Variants in PRTFDC1 observed in about 807,000 individuals in gnomAD.
PRTFDC1 encodes the protein phosphoribosyl transferase domain containing 1, also known as phosphoribosyltransferase domain-containing protein 1.
Under a neutral mutation model 34.6 loss-of-function variants are expected in PRTFDC1, and 38 were observed. The observed-to-expected ratio is 1.10, with a 90% confidence interval of 0.85 to 1.44. PRTFDC1 has a LOEUF of 1.44. PRTFDC1 is among the 40% of genes most tolerant of loss of function. The pLI is 0.00. For missense variants in PRTFDC1, 270 were observed against 283.0 expected, an observed-to-expected ratio of 0.95 and a Z score of 0.33; for synonymous variants, 93 against 98.1, an observed-to-expected ratio of 0.95 and a Z score of 0.31.
In PRTFDC1 at chr10:24,949,731, ATTTATTTATTTTTTTTTTTT is replaced by A. The variant is rs1237433853; in HGVS notation, c.48+2777_48+2796del. Among the ~76,000 whole-genome samples the A allele has an allele frequency of 4.4e-5, 5 of 114,380 alleles. No individual in the cohort carries two copies. In the Admixed American group the frequency reaches 4.7e-4, roughly 11 times the overall value. The allele number at this position is 114,380 out of a possible 152,430, so 75.0% of individuals were successfully genotyped here. ...ATTTTTTTTGTTTATTTATTTATTT[ATTTATTTATTTTTTTTTTTT>A]TTTTTAAGAAGGAGTTTCACTCTTG... On this transcript the variant is annotated intron_variant, in intron 1 of 8. Transcript: ENST00000320152.
chr10:24,881,337 C>T (rs1241725712), intron 3 of PRTFDC1, among the ~76,000 whole-genome samples: 1 of 152,062 alleles, frequency 6.6e-6, no homozygotes, highest in African/African-American at 2.4e-5. Flanking sequence ...CCCAAAGCAC[C>T]TGGCCCCACT....
chr10:24,933,274 A>AC (rs1057051116), intron 3 of PRTFDC1, among the ~76,000 whole-genome samples: 1 of 152,072 alleles, frequency 6.6e-6, no homozygotes, highest in African/African-American at 2.4e-5. Context: ...AACTTAAAAA[A>AC]TTTTTTAATA....
intron 3 of PRTFDC1, among the ~76,000 whole-genome samples, chr10:24,901,920 G>A (rs112172579): frequency 0.015 from 2,271 of 152,288 alleles, 64 homozygotes; most frequent in African/African-American, 0.052. Flanking sequence ...CTAAATGCAC[G>A]GTGACTGCCA....
At chr10:24,937,066 C>A (rs75491022) in intron 3 of PRTFDC1, 118 bp downstream of exon 3, 482 of 954,068 alleles carry the variant, frequency 5.1e-4, no homozygotes, top group Middle Eastern at 1.5e-3. Context: ...TAAAATTACC[C>A]TTCATTTTCA....
chr10:24,864,755 T>C (rs1847745678), intron 4 of PRTFDC1, among the ~76,000 whole-genome samples: 1 of 152,168 alleles, frequency 6.6e-6, no homozygotes, highest in South Asian at 2.1e-4. Context: ...AACTCTGAGA[T>C]ATGGCTGTGC....
chr10:24,905,437 T>A (rs1328366412), intron 3 of PRTFDC1, among the ~76,000 whole-genome samples: 1 of 149,764 alleles, frequency 6.7e-6, no homozygotes, highest in Non-Finnish European at 1.5e-5. Flanking sequence ...TTCTTCTGCC[T>A]CAGTCTCCCG....
intron 3 of PRTFDC1, among the ~76,000 whole-genome samples, chr10:24,934,214 A>AAAGAAGAAG (rs57514580): frequency 5.4e-4 from 79 of 146,758 alleles, no homozygotes; most frequent in Admixed American, 2.0e-3. Context: ...TACTGGACAC[A>AAAGAAGAAG]AAGAAGAAGA....
intron 4 of PRTFDC1, among the ~76,000 whole-genome samples, chr10:24,869,185 G>A (rs1339425125): frequency 6.6e-6 from 1 of 151,556 alleles, no homozygotes; most frequent in Non-Finnish European, 1.5e-5. Context: ...TGAAGAATGA[G>A]TGAACAGCGT....
In PRTFDC1 at chr10:24,891,215, A is replaced by G. The variant is rs761456812; in HGVS notation, c.340-19152T>C. ...GATTTATTCTTCTTGTGATCATGTA[A>G]ATTTAATTTGCTGTAAAATTCATGA... On this transcript the variant is annotated intron_variant, in intron 3 of 8. Transcript: ENST00000320152. Among the ~76,000 whole-genome samples, 8 of 152,222 alleles carry G rather than the reference A, an allele frequency of 5.3e-5. No individual in the cohort carries two copies. The South Asian group carries it at 1.5e-3, about 28-fold the overall frequency.
At chr10:24,943,333 T>C (rs997709538) in intron 1 of PRTFDC1, among the ~76,000 whole-genome samples, 8 of 152,130 alleles carry the variant, frequency 5.3e-5, no homozygotes, top group Admixed American at 4.6e-4. Flanking sequence ...ATCCAGAAAA[T>C]TGGCCTATTC....
At chr10:24,854,954 G>T (rs1382877914) in intron 7 of PRTFDC1, among the ~76,000 whole-genome samples, 1 of 152,106 alleles carries the variant, frequency 6.6e-6, no homozygotes, top group Non-Finnish European at 1.5e-5. Context: ...GCCAAGGCGG[G>T]GATCCTATGT....
At chr10:24,885,695 G>A (rs1170588700) in intron 3 of PRTFDC1, among the ~76,000 whole-genome samples, 1 of 152,186 alleles carries the variant, frequency 6.6e-6, no homozygotes, top group Non-Finnish European at 1.5e-5. Flanking sequence ...ATGAGCCACC[G>A]CACCTGGCCA....
chr10:24,936,183 C>T (rs764039883), intron 3 of PRTFDC1, among the ~76,000 whole-genome samples: 3 of 152,314 alleles, frequency 2.0e-5, no homozygotes, highest in African/African-American at 2.4e-5. Context: ...AAGAGCTCCT[C>T]ACCCAATAGT....
chr10:24,867,136 G>A (rs1402693575), intron 4 of PRTFDC1, among the ~76,000 whole-genome samples: 1 of 151,974 alleles, frequency 6.6e-6, no homozygotes, highest in Non-Finnish European at 1.5e-5. Context: ...ATACAGTTAT[G>A]GGTTCATAAT....
chr10:24,851,442 G>A lies in PRTFDC1; in HGVS notation c.576C>T (p.Asn192=), dbSNP rs762042745. ...RPDYAGFEIP[N]LFVVGYALDY... ...CTAAGGCATATCCCACCACAAATAA[G>A]TTTGGAATCTCAAATCCAGCATCTT... The change falls in exon 8 of 9, where the codon AAC becomes AAT. Residue 192 remains asparagine (N), a synonymous_variant. Transcript: ENST00000320152. 9.3e-6 allele frequency: 15 copies of A among 1,610,968 alleles called. No individual in the cohort carries two copies. Among genetic ancestry groups the A allele is most frequent in the African/African-American group, 1.3e-5 (1 of 74,588 alleles).
Position 24,952,564 on chromosome 10 carries a change from GCTCC to G in PRTFDC1, c.8_11del (p.Gly3AlafsTer13), listed in dbSNP as rs1849364775. 1 of 1,592,106 alleles carries G rather than the reference GCTCC, an allele frequency of 6.3e-7. No individual in the cohort carries two copies. The highest frequency in any genetic ancestry group is 1.3e-5 in the African/African-American group (1 of 74,706). On this transcript the variant is annotated frameshift_variant, in exon 1 of 9. Transcript: ENST00000320152. LOFTEE classifies it high-confidence loss of function. This position sits in a 1 kb window ranked among gnomAD's most constrained non-coding sequence, Gnocchi z 5.1. ...GCCCGTAGTCTGGCGCCTCCTCGCT[GCTCC>G]CGGCCATGTTTCTCCCGGGGAACGC...
At chr10:24,896,237 G>T (rs1848360892) in intron 3 of PRTFDC1, among the ~76,000 whole-genome samples, 1 of 152,220 alleles carries the variant, frequency 6.6e-6, no homozygotes, top group African/African-American at 2.4e-5. Context: ...ATCAGCGGGG[G>T]CATGAGATTC....
intron 1 of PRTFDC1, among the ~76,000 whole-genome samples, chr10:24,945,018 C>T (rs1368738892): frequency 6.6e-6 from 1 of 152,190 alleles, no homozygotes; most frequent in African/African-American, 2.4e-5. Flanking sequence ...GAGCTTTGCA[C>T]TGGCGCCTCC....
intron 2 of PRTFDC1, 81 bp from the exon 3 acceptor site, chr10:24,937,448 G>T: frequency 8.0e-7 from 1 of 1,251,916 alleles, no homozygotes; most frequent in South Asian, 1.6e-5. Context: ...AAGATGTATT[G>T]TACGTATTCG....
Sources: gnomAD v4.1 joint callset for allele counts (sites outside exome capture counted in the v4.1 genomes callset) on GRCh38, gnomAD v4.1.1 for gene constraint, Gnocchi (gnomAD v3.1) non-coding constraint, MANE v1.5 for transcripts, NCBI Gene and HGNC (gene_info 2026-07-23, HGNC 2026-07-21) for gene names.